ARHGAP23: variants seen among roughly 807,000 people sequenced by gnomAD.
ARHGAP23 encodes rho GTPase-activating protein 23.
In ARHGAP23, 34 loss-of-function variants were observed where a neutral mutation model predicts 136.3. The ratio of observed to expected loss-of-function variants is 0.25; its 90% CI spans 0.19 to 0.33. The LOEUF (loss-of-function observed/expected upper bound fraction) is 0.33. ARHGAP23 is among the 10% of genes least tolerant of loss of function. ARHGAP23 has a pLI of 1.00. For missense variants in ARHGAP23, 1,808 were observed against 2,139.0 expected (o/e 0.85, Z 3.05); for synonymous variants, 832 against 920.5 (o/e 0.90, Z 1.74).
intron 7 of ARHGAP23, among the ~76,000 whole-genome samples, chr17:38,468,641 C>T (rs1225421627): frequency 6.6e-6 from 1 of 151,980 alleles, no homozygotes; most frequent in South Asian, 2.1e-4. Flanking sequence ...AGGCTGTGGC[C>T]GGGAGAGGCA....
At chr17:38,509,873 A>G in intron 23 of ARHGAP23, 71 bp from the exon 24 acceptor site, 2 of 1,163,058 alleles carry the variant, frequency 1.7e-6, no homozygotes, top group Non-Finnish European at 2.2e-6. Flanking sequence ...GTGGGGGTGG[A>G]CCGGGTAGAG....
intron 1 of ARHGAP23, chr17:38,457,568 GTA>G (rs1054148405): frequency 4.1e-5 from 7 of 171,664 alleles, no homozygotes; most frequent in Non-Finnish European, 8.8e-5. Flanking sequence ...TTGTGTGTGT[GTA>G]TCTGTGTGTC....
intron 7 of ARHGAP23, among the ~76,000 whole-genome samples, chr17:38,468,362 G>A (rs1175742313): frequency 3.9e-5 from 6 of 152,018 alleles, no homozygotes; most frequent in Non-Finnish European, 8.8e-5. Context: ...TGGGGGTGGT[G>A]CCTCACCCCC....
chr17:38,469,915 C>A lies in ARHGAP23; in HGVS notation c.1974+11C>A, dbSNP rs114099643. The A allele has an allele frequency of 3.5e-3, 5,390 of 1,551,608 alleles. 155 individuals carry two copies. In the African/African-American group the frequency reaches 0.062, roughly 18 times the overall value. ...TTCTTCACCGACGGGGTGAGAGCTG[C>A]AAGTGTGTGTGCGTGCGCAGGAGCG... is the stretch of plus-strand genomic sequence containing the variant. On this transcript the variant is annotated intron_variant, in intron 10 of 23. Coordinates refer to ENST00000622683, the MANE Select transcript of ARHGAP23 (RefSeq NM_001199417.2).
rs1195465583 is a variant in ARHGAP23 at position 38,466,195 on chromosome 17, G to A, written c.512G>A (p.Gly171Glu). Residue 171 changes from glycine (G) to glutamate (E), a missense_variant, in exon 7 of 24, where the codon GGG becomes GAG. Coordinates refer to ENST00000622683, the MANE Select transcript of ARHGAP23 (RefSeq NM_001199417.2). ...TACTCCCAGGATGCCTACCTGAAAG[G>A]GAACGAGCCGTATTCTGGAGAGGCC... ...LAYSQDAYLKGNEPYSGEARS... is the reference protein window; with the variant it reads ...LAYSQDAYLKENEPYSGEARS... 4 of 1,515,334 alleles carry A rather than the reference G, an allele frequency of 2.6e-6. No homozygotes were observed. The highest frequency in any genetic ancestry group is 8.9e-7 in the Non-Finnish European group (1 of 1,125,736). 93.9% of individuals were successfully genotyped at this position (1,515,334 alleles called of 1,614,324 possible).
At chr17:38,488,924 G>A (rs1346993842) in intron 17 of ARHGAP23, among the ~76,000 whole-genome samples, 1 of 151,856 alleles carries the variant, frequency 6.6e-6, no homozygotes, top group Non-Finnish European at 1.5e-5. Context: ...CATCCAGGCT[G>A]GAGTGCAGTG....
chr17:38,493,695 G>T (rs540527399), intron 20 of ARHGAP23, among the ~76,000 whole-genome samples: 21 of 152,362 alleles, frequency 1.4e-4, no homozygotes, highest in African/African-American at 4.6e-4. Flanking sequence ...CCAGGGCAGT[G>T]CTGCTGTCAC....
rs1295172952 is a variant in ARHGAP23 at position 38,467,031 on chromosome 17, A to C, written c.1348A>C (p.Asn450His). ...ACCCTTTGGGGGGCTGCCTACCTTCAACCTGGCCCAGTCCCCTGCGTCATT... is the reference window on the plus strand; with the variant it reads ...ACCCTTTGGGGGGCTGCCTACCTTCCACCTGGCCCAGTCCCCTGCGTCATT... ...DSPFGGLPTF[N>H]LAQSPASFPP... is the part of the protein sequence containing the mutation. The change falls in exon 7 of 24, where the codon AAC becomes CAC. Residue 450 changes from asparagine to histidine, a missense_variant. Asn to His is a moderately conservative substitution (Grantham distance 68). Coordinates refer to ENST00000622683, the MANE Select transcript of ARHGAP23 (RefSeq NM_001199417.2). The C allele has an allele frequency of 1.3e-6, 2 of 1,550,788 alleles. No homozygotes were observed. Among genetic ancestry groups the C allele is most frequent in the South Asian group, 2.4e-5 (2 of 84,056 alleles).
At chr17:38,427,369 G>A (rs772173854), upstream of ARHGAP23, among the ~76,000 whole-genome samples, 15 of 152,096 alleles carry the variant, frequency 9.9e-5, no homozygotes, top group Non-Finnish European at 1.8e-4. Context: ...GGAGGCTGAG[G>A]TGGGAGGATC....
chr17:38,474,769 G>T (rs991586507), intron 11 of ARHGAP23, among the ~76,000 whole-genome samples: 7 of 152,170 alleles, frequency 4.6e-5, no homozygotes, highest in African/African-American at 1.4e-4. Flanking sequence ...GGGGGGCCGG[G>T]GAGGCTGACA....
chr17:38,476,031 A>G (rs1239492414), intron 11 of ARHGAP23, among the ~76,000 whole-genome samples: 5 of 152,224 alleles, frequency 3.3e-5, no homozygotes, highest in African/African-American at 1.2e-4. Flanking sequence ...CTCACCTGCA[A>G]GGGCCCCCTG....
At position 38,453,380 on chromosome 17, in the gene ARHGAP23, G is replaced by A. The variant is rs1827191501; in HGVS notation, c.64-4722G>A. Among the ~76,000 whole-genome samples, 5 of 145,708 alleles carry A rather than the reference G, an allele frequency of 3.4e-5. No individual in the cohort carries two copies. The South Asian group carries it at 1.0e-3, about 31-fold the overall frequency. ...AGGGACACCTGGAGCATGTGTGGCT[G>A]TTTCTCTGGGTGGATGGGGCTGATG... On this transcript the variant is annotated intron_variant, in intron 1 of 23. Transcript: ENST00000622683.
chr17:38,494,899 C>T (rs1211977230), intron 20 of ARHGAP23, among the ~76,000 whole-genome samples: 5 of 152,318 alleles, frequency 3.3e-5, no homozygotes, highest in African/African-American at 4.8e-5. Flanking sequence ...TTCCTGTAGA[C>T]GCTGTGGCTT....
intron 10 of ARHGAP23, among the ~76,000 whole-genome samples, chr17:38,470,826 C>T (rs4792803): frequency 0.23 from 35,241 of 152,136 alleles, 4,701 homozygotes; most frequent in East Asian, 0.37. Flanking sequence ...CGTGAGCCAC[C>T]GCACCTGGCC....
chr17:38,462,516 A>G (rs2039486018), intron 3 of ARHGAP23, among the ~76,000 whole-genome samples: 1 of 152,150 alleles, frequency 6.6e-6, no homozygotes, highest in Admixed American at 6.5e-5. Flanking sequence ...TTGGCCTCCC[A>G]AAGTACTGGG....
chr17:38,441,691 G>A (rs140161997), intron 1 of ARHGAP23, among the ~76,000 whole-genome samples: 19 of 152,276 alleles, frequency 1.2e-4, no homozygotes, highest in South Asian at 4.1e-4. Context: ...TTAAACAAGC[G>A]TTTCAGAAAG....
intron 1 of ARHGAP23, among the ~76,000 whole-genome samples, chr17:38,419,802 T>G (rs1484894056): frequency 3.3e-5 from 5 of 152,158 alleles, no homozygotes; most frequent in African/African-American, 1.2e-4. Context: ...GTGGGTGGGC[T>G]CTGTGCCATA....
chr17:38,447,219 A>G (rs997606605), intron 1 of ARHGAP23, among the ~76,000 whole-genome samples: 2 of 152,050 alleles, frequency 1.3e-5, no homozygotes, highest in African/African-American at 4.8e-5. Flanking sequence ...AGGCGGGTGG[A>G]TCATTTGAGG....
rs189573182 is a variant in ARHGAP23 at position 38,511,306 on chromosome 17, G to A, written c.*334G>A. On this transcript the variant is annotated 3_prime_UTR_variant, in exon 24 of 24. Coordinates refer to ENST00000622683, the MANE Select transcript of ARHGAP23 (RefSeq NM_001199417.2). ...CTTGGGGACCCTTGTGGACCATGGGGTGTGGCTAGGGAACCCCTAAGTTTC... is the reference window on the plus strand; with the variant it reads ...CTTGGGGACCCTTGTGGACCATGGGATGTGGCTAGGGAACCCCTAAGTTTC... 1.6e-5 allele frequency: 5 copies of A among 305,684 alleles called. No homozygotes were observed. Among genetic ancestry groups the A allele is most frequent in the African/African-American group, 4.3e-5 (2 of 46,144 alleles). The allele number at this position is 305,684 out of a possible 1,614,324, so 18.9% of individuals were successfully genotyped here. A position where few individuals can be genotyped will look rare whatever the true frequency, so the allele number is the denominator to read the frequency against.
Sources: gnomAD v4.1 joint callset for allele counts (sites outside exome capture counted in the v4.1 genomes callset) on GRCh38, gnomAD v4.1.1 for gene constraint, MANE v1.5 for transcripts, NCBI Gene and HGNC (gene_info 2026-07-23, HGNC 2026-07-21) for gene names.